Variants in ENTREP3 observed in about 807,000 individuals in gnomAD.
ENTREP3 encodes the protein endosomal transmembrane epsin interactor 3.
At chr1:155,253,545 T>C in the ENTREP3 span, 2 of 939,842 alleles carry the variant, frequency 2.1e-6, no homozygotes, top group Admixed American at 2.2e-5. Context: ...TCTGTAGCCA[T>C]TGTTCCCTCA....
the ENTREP3 span, chr1:155,248,514 G>A: frequency 6.6e-3 from 10,446 of 1,580,384 alleles, 73 homozygotes; most frequent in South Asian, 0.023. Context: ...GTGAGTGGAA[G>A]TGTTCTGTGG....
the ENTREP3 span, chr1:155,248,530 C>G: frequency 4.7e-6 from 7 of 1,493,046 alleles, no homozygotes; most frequent in African/African-American, 8.3e-5. Flanking sequence ...TGTGGACACG[C>G]CCACCCTCCT....
chr1:155,247,555 T>TAAATA, the ENTREP3 span: 1 of 711,576 alleles, frequency 1.4e-6, no homozygotes, highest in Non-Finnish European at 2.6e-6. Flanking sequence ...AAGGGGCATC[T>TAAATA]CCCCCACAGT....
At chr1:155,252,690 G>GTGTATGTATATATATATATA in the ENTREP3 span, 1 of 32,878 alleles carries the variant, frequency 3.0e-5, no homozygotes, top group African/African-American at 1.9e-4. Flanking sequence ...AATTTTGTGT[G>GTGTATGTATATATATATATA]TATATATATA....
At chr1:155,250,446 C>T in the ENTREP3 span, 333 of 1,482,574 alleles carry the variant, frequency 2.2e-4, 2 homozygotes, top group African/African-American at 4.3e-3. The surrounding 1 kb of genome is among the most constrained non-coding windows in gnomAD (Gnocchi z 5.4). Flanking sequence ...TGGGCGGCCC[C>T]CTCCCCGGGG....
chr1:155,250,877 C>T, the ENTREP3 span: 1 of 1,499,336 alleles, frequency 6.7e-7, no homozygotes, highest in Non-Finnish European at 9.0e-7. This position sits in a 1 kb window ranked among gnomAD's most constrained non-coding sequence, Gnocchi z 5.4. Context: ...TAGCCCTGCC[C>T]AGGCAGTTCC....
At chr1:155,255,131 G>A in the ENTREP3 span, 1 of 582,892 alleles carries the variant, frequency 1.7e-6, no homozygotes, top group South Asian at 2.0e-5. This position sits in a 1 kb window ranked among gnomAD's most constrained non-coding sequence, Gnocchi z 5.6. Context: ...GGGCGACGAT[G>A]AGGACGCGGG....
chr1:155,254,964 C>G, the ENTREP3 span: 1 of 1,045,214 alleles, frequency 9.6e-7, no homozygotes, highest in East Asian at 2.6e-5. The surrounding 1 kb of genome is among the most constrained non-coding windows in gnomAD (Gnocchi z 4.4). Flanking sequence ...GTCCTTTCTC[C>G]TCTCCACCCC....
chr1:155,253,247 G>A, the ENTREP3 span: 1 of 184,590 alleles, frequency 5.4e-6, no homozygotes. Flanking sequence ...GTTTCGCCAT[G>A]TTGGCCAGGT....
chr1:155,251,967 C>G, the ENTREP3 span: 9 of 1,166,060 alleles, frequency 7.7e-6, no homozygotes, highest in Middle Eastern at 2.0e-4. Flanking sequence ...CTCCTGGGCC[C>G]CCAAACTCCT....
chr1:155,248,520 T>C, the ENTREP3 span: 3 of 1,548,852 alleles, frequency 1.9e-6, no homozygotes, highest in South Asian at 2.2e-5. Flanking sequence ...GGAAGTGTTC[T>C]GTGGACACGC....
chr1:155,250,720 C>A, the ENTREP3 span: 31 of 1,613,018 alleles, frequency 1.9e-5, no homozygotes, highest in Non-Finnish European at 2.6e-5. The surrounding 1 kb of genome is among the most constrained non-coding windows in gnomAD (Gnocchi z 5.4). Context: ...ACGGAGCGCA[C>A]GGAGCCCTGC....
At chr1:155,252,718 ATATATTTTTTTTT>A in the ENTREP3 span, 3 of 42,622 alleles carry the variant, frequency 7.0e-5, no homozygotes, top group African/African-American at 4.3e-4. Flanking sequence ...ATATATATAT[ATATATTTTTTTTT>A]TTTTTTTTTT....
the ENTREP3 span, chr1:155,255,463 C>T: frequency 6.5e-6 from 1 of 153,000 alleles, no homozygotes; most frequent in Non-Finnish European, 1.5e-5. This position sits in a 1 kb window ranked among gnomAD's most constrained non-coding sequence, Gnocchi z 5.6. Context: ...AGGTCGGGGA[C>T]TAGAGAAGGG....
At chr1:155,248,009 A>G in the ENTREP3 span, 3 of 1,613,690 alleles carry the variant, frequency 1.9e-6, no homozygotes, top group Admixed American at 1.7e-5. Flanking sequence ...CTGAAGCTCC[A>G]CGCTTTCCCA....
the ENTREP3 span, chr1:155,250,371 G>T: frequency 2.1e-5 from 32 of 1,545,402 alleles, no homozygotes; most frequent in Non-Finnish European, 2.8e-5. The surrounding 1 kb of genome is among the most constrained non-coding windows in gnomAD (Gnocchi z 5.4). Context: ...GTGCCCCGGT[G>T]GGGTGAGGGA....
At chr1:155,248,762 C>T in the ENTREP3 span, among the ~76,000 whole-genome samples, 10 of 151,578 alleles carry the variant, frequency 6.6e-5, no homozygotes, top group South Asian at 2.1e-4. Flanking sequence ...TTGCCCAGGC[C>T]GGAGTGCAGT....
At chr1:155,251,469 C>T in the ENTREP3 span, 1 of 1,548,432 alleles carries the variant, frequency 6.5e-7, no homozygotes, top group Non-Finnish European at 8.9e-7. Context: ...AACCCGGCTC[C>T]CCAGCCCGCC....
At chr1:155,251,465 G>T in the ENTREP3 span, 2 of 1,506,598 alleles carry the variant, frequency 1.3e-6, no homozygotes, top group Non-Finnish European at 1.8e-6. Context: ...CTACAACCCG[G>T]CTCCCCAGCC....
Sources: allele counts gnomAD v4.1 joint callset (sites outside exome capture counted in the v4.1 genomes callset), GRCh38; gene constraint gnomAD v4.1.1; non-coding constraint Gnocchi (gnomAD v3.1); transcripts MANE v1.5; gene names NCBI Gene and HGNC (gene_info 2026-07-23, HGNC 2026-07-21).